Variants in PELI2 observed in about 807,000 individuals in gnomAD.
PELI2 encodes the protein pellino E3 ubiquitin protein ligase family member 2, also known as E3 ubiquitin-protein ligase pellino homolog 2.
Under a neutral mutation model 42.3 loss-of-function variants are expected in PELI2, and 23 were observed. The ratio of observed to expected loss-of-function variants is 0.54; its 90% CI spans 0.39 to 0.77. The LOEUF is 0.77. Ranked by LOEUF, PELI2 falls within the 30% of genes least tolerant of loss-of-function variation. The pLI, the probability that PELI2 is intolerant of heterozygous loss-of-function variation, is 0.00. For missense variants in PELI2, 463 were observed against 553.2 expected, an observed-to-expected ratio of 0.84 and a Z score of 1.64; for synonymous variants, 245 against 212.2, an observed-to-expected ratio of 1.15 and a Z score of -1.34.
intron 2 of PELI2, among the ~76,000 whole-genome samples, chr14:56,257,338 G>A (rs1888560247): frequency 6.6e-6 from 1 of 152,134 alleles, no homozygotes; most frequent in Admixed American, 6.5e-5. Flanking sequence ...CTAGTTTCTT[G>A]TAAATGCTCT....
chr14:56,236,647 A>G (rs1264838944), intron 2 of PELI2, among the ~76,000 whole-genome samples: 2 of 151,984 alleles, frequency 1.3e-5, no homozygotes, highest in Non-Finnish European at 2.9e-5. Context: ...ATCTGGGGTA[A>G]TTCTCTGAGA....
At chr14:56,149,458 A>G (rs965728321) in intron 1 of PELI2, among the ~76,000 whole-genome samples, 1 of 152,244 alleles carries the variant, frequency 6.6e-6, no homozygotes, top group African/African-American at 2.4e-5. Context: ...TTACAAAATA[A>G]GAATGCCTGC....
At chr14:56,140,880 G>A (rs1478893057) in intron 1 of PELI2, among the ~76,000 whole-genome samples, 1 of 152,182 alleles carries the variant, frequency 6.6e-6, no homozygotes. Flanking sequence ...AAGGCCAAGA[G>A]AATGGGAAAG....
chr14:56,155,582 AT>A (rs5808846), intron 1 of PELI2, among the ~76,000 whole-genome samples: 58,651 of 127,494 alleles, frequency 0.46, 12,398 homozygotes, highest in African/African-American at 0.63. Flanking sequence ...CAAGTAATAC[AT>A]TTTTTTTTTT....
chr14:56,148,278 A>T (rs1446443261), intron 1 of PELI2, among the ~76,000 whole-genome samples: 1 of 152,056 alleles, frequency 6.6e-6, no homozygotes, highest in Non-Finnish European at 1.5e-5. Context: ...ATTCCAGTCC[A>T]TCCTTCACAG....
intron 1 of PELI2, among the ~76,000 whole-genome samples, chr14:56,128,852 G>A (rs1388382491): frequency 1.2e-4 from 18 of 152,044 alleles, no homozygotes; most frequent in Admixed American, 1.2e-3. Context: ...GAGAAGTACA[G>A]GGTTTCGTGT....
chr14:56,219,150 A>ATTT lies in PELI2; in HGVS notation c.207+40693_207+40695dup, dbSNP rs3050314. 0.068 allele frequency among the ~76,000 whole-genome samples: 10,263 copies of ATTT among 150,050 alleles called. 507 individuals are homozygous for ATTT. The highest frequency in any genetic ancestry group is 0.23 in the East Asian group (1,181 of 5,062). Reference sequence around the variant, plus strand: ...ATCCTGGTCTCTTAATTCCTTTTTTATTTTTTTTTGGATGACTTGAGGACA... The same window carrying ATTT: ...ATCCTGGTCTCTTAATTCCTTTTTTATTTTTTTTTTTTGGATGACTTGAGGACA... On this transcript the variant is annotated intron_variant, in intron 2 of 5. Transcript: ENST00000267460. The surrounding 1 kb of genome is among the most constrained non-coding windows in gnomAD (Gnocchi z 4.1).
At chr14:56,184,887 C>G (rs1885713904) in intron 2 of PELI2, among the ~76,000 whole-genome samples, 1 of 152,020 alleles carries the variant, frequency 6.6e-6, no homozygotes, top group Non-Finnish European at 1.5e-5. Flanking sequence ...ATAAAAAGAT[C>G]ATACCAGTAA....
intron 5 of PELI2, among the ~76,000 whole-genome samples, chr14:56,291,816 A>G (rs181074167): frequency 5.3e-5 from 8 of 152,364 alleles, no homozygotes; most frequent in Admixed American, 3.3e-4. Context: ...GATGAGGAAG[A>G]TGTGGCGTGA....
chr14:56,256,610 G>T (rs186371091), intron 2 of PELI2, among the ~76,000 whole-genome samples: 1 of 152,270 alleles, frequency 6.6e-6, no homozygotes, highest in Non-Finnish European at 1.5e-5. Flanking sequence ...AAGATTTTAT[G>T]TGGAGATGAA....
At chr14:56,179,534 A>G (rs1184358629) in intron 2 of PELI2, among the ~76,000 whole-genome samples, 1 of 152,234 alleles carries the variant, frequency 6.6e-6, no homozygotes, top group Non-Finnish European at 1.5e-5. Context: ...GAAAATATCA[A>G]ACACCACGGA....
At chr14:56,156,343 G>A (rs1283950232) in intron 1 of PELI2, among the ~76,000 whole-genome samples, 1 of 151,996 alleles carries the variant, frequency 6.6e-6, no homozygotes, top group African/African-American at 2.4e-5. Flanking sequence ...CCCTTAAAAG[G>A]CAGTAGGACA....
intron 1 of PELI2, among the ~76,000 whole-genome samples, chr14:56,152,230 C>G (rs1884388298): frequency 6.6e-6 from 1 of 152,174 alleles, no homozygotes; most frequent in African/African-American, 2.4e-5. Flanking sequence ...ATTCCCAGTT[C>G]TGCCACTTAA....
chr14:56,226,144 AC>A (rs1232640318), intron 2 of PELI2, among the ~76,000 whole-genome samples: 1 of 151,830 alleles, frequency 6.6e-6, no homozygotes, highest in Non-Finnish European at 1.5e-5. Flanking sequence ...TTTGATTGAG[AC>A]CCCAGGCTCA....
chr14:56,141,293 A>C (rs1373563901), intron 1 of PELI2, among the ~76,000 whole-genome samples: 5 of 152,238 alleles, frequency 3.3e-5, no homozygotes, highest in Non-Finnish European at 7.3e-5. Flanking sequence ...GGAAGAGACG[A>C]CATCAGACCA....
In PELI2 at chr14:56,197,300, G is replaced by C. The variant is rs1886163161; in HGVS notation, c.207+18836G>C. The stretch of plus-strand genomic sequence containing the variant: ...TTGATGAGTTATGAAGGCATACATA[G>C]AGTTTAGTCTTGCAAACAGAGAGGG... On this transcript the variant is annotated intron_variant, in intron 2 of 5. Coordinates refer to ENST00000267460, the MANE Select transcript of PELI2 (RefSeq NM_021255.3). The surrounding 1 kb of genome is among the most constrained non-coding windows in gnomAD (Gnocchi z 4.9). Among the ~76,000 whole-genome samples the C allele has an allele frequency of 6.6e-6, 1 of 152,182 alleles. No homozygotes were observed. The highest frequency in any genetic ancestry group is 1.5e-5 in the Non-Finnish European group (1 of 68,036).
Position 56,118,553 on chromosome 14 carries a change from G to T in PELI2, c.-108G>T, listed in dbSNP as rs1373997523. 6.3e-6 allele frequency: 4 copies of T among 630,060 alleles called. No homozygotes were observed. The highest frequency in any genetic ancestry group is 9.2e-6 in the Non-Finnish European group (4 of 433,820). The allele number at this position is 630,060 out of a possible 1,614,324, so 39.0% of individuals were successfully genotyped here. ...CTTCGCCGCCGTGCCCTTCCCCGGCGCGCTCACCCCGTTCTCGGGATGGGA... is the reference window on the plus strand; with the variant it reads ...CTTCGCCGCCGTGCCCTTCCCCGGCTCGCTCACCCCGTTCTCGGGATGGGA... On this transcript the variant is annotated 5_prime_UTR_variant, in exon 1 of 6. Transcript: ENST00000267460.
At chr14:56,132,922 G>A (rs1025683403) in intron 1 of PELI2, among the ~76,000 whole-genome samples, 2 of 151,904 alleles carry the variant, frequency 1.3e-5, no homozygotes, top group African/African-American at 2.4e-5. Flanking sequence ...AGCTTTCTTC[G>A]CTAAAAAATT....
chr14:56,177,081 C>T (rs1885410412), intron 1 of PELI2, among the ~76,000 whole-genome samples: 1 of 152,150 alleles, frequency 6.6e-6, no homozygotes. Context: ...TCTTTTTATT[C>T]TGGAGACATT....
Sources: allele counts gnomAD v4.1 joint callset (sites outside exome capture counted in the v4.1 genomes callset), GRCh38; gene constraint gnomAD v4.1.1; non-coding constraint Gnocchi (gnomAD v3.1); transcripts MANE v1.5; gene names NCBI Gene and HGNC (gene_info 2026-07-23, HGNC 2026-07-21).